Variants in PXN observed in about 807,000 individuals in gnomAD.
PXN encodes the protein paxillin, also known as testicular tissue protein Li 134.
PXN carries 61 observed loss-of-function variants against 103.6 expected under a neutral mutation model. The observed-to-expected ratio is 0.59, with a 90% CI of 0.48 to 0.73. The LOEUF is 0.73. Among genes scored for constraint, PXN ranks in the 30% least tolerant of loss-of-function variants. The pLI is 0.00. For synonymous variants in PXN, 562 were observed against 607.8 expected (o/e 0.92, Z 1.11); for missense variants, 1,274 against 1,460.3 (o/e 0.87, Z 2.08).
rs996902113 is a variant in PXN, at chr12:120,228,858, C to T, written c.14-4481G>A. On this transcript the variant is annotated intron_variant, in intron 1 of 14. Coordinates refer to ENST00000637617, the MANE Select transcript of PXN (RefSeq NM_001385981.1). This position sits in a 1 kb window ranked among gnomAD's most constrained non-coding sequence, Gnocchi z 4.7. Reference sequence around the variant, plus strand: ...TGGTCGGAGCAACAGCATGGAACAGCTGCAGCTTTGGGTCGGGAGGCCGCC... The same window carrying T: ...TGGTCGGAGCAACAGCATGGAACAGTTGCAGCTTTGGGTCGGGAGGCCGCC... Among the ~76,000 whole-genome samples the T allele has an allele frequency of 1.3e-5, 2 of 152,226 alleles. No homozygotes were observed. The highest frequency in any genetic ancestry group is 1.3e-4 in the Admixed American group (2 of 15,284).
rs1884648273 is a variant in PXN, at chr12:120,220,092, C to T, written c.832-1G>A. The T allele has an allele frequency of 1.8e-6, 2 of 1,142,142 alleles. No individual in the cohort carries two copies. The highest frequency in any genetic ancestry group is 3.1e-5 in the African/African-American group (2 of 64,294). The allele number at this position is 1,142,142 out of a possible 1,614,324, so 70.8% of individuals were successfully genotyped here. ...TCAGAGCCACAGTGGAGGAGCTGGT[C>T]TGGAGAAGAGAGAAATGCAGAGGGG... On this transcript the variant is annotated splice_acceptor_variant, in intron 6 of 14. Coordinates refer to ENST00000637617, the MANE Select transcript of PXN (RefSeq NM_001385981.1). LOFTEE classifies it high-confidence loss of function. This position sits in a 1 kb window ranked among gnomAD's most constrained non-coding sequence, Gnocchi z 6.1.
Position 120,216,645 on chromosome 12 carries a change from C to T in PXN, c.1993-64G>A, listed in dbSNP as rs1197695473. The T allele has an allele frequency of 1.5e-5, 24 of 1,549,144 alleles. No homozygotes were observed. In the East Asian group the frequency reaches 4.5e-4, roughly 29 times the overall value. On this transcript the variant is annotated intron_variant, in intron 8 of 14. Coordinates refer to ENST00000637617, the MANE Select transcript of PXN (RefSeq NM_001385981.1). The surrounding 1 kb of genome is among the most constrained non-coding windows in gnomAD (Gnocchi z 5.1). ...TCGCCAGCTCAGCCCACAGGGGTGG[C>T]GGGACCTCCCCAGGCTCCCCCTGGG... is the stretch of plus-strand genomic sequence containing the variant.
At position 120,223,805 on chromosome 12, in the gene PXN, G is replaced by T; in HGVS notation, c.269C>A (p.Ser90Tyr). 6.2e-7 allele frequency: 1 copy of T among 1,609,218 alleles called. No individual in the cohort carries two copies. The highest frequency in any genetic ancestry group is 1.1e-5 in the South Asian group (1 of 89,926). ...GGAGACACTGGAAGTTTTGGCACTG[G>T]AGCCGTACACAGGTGATGAGGACTG... Reference protein sequence around the residue: ...QPQSSSPVYGSSAKTSSVSNP... With the variant: ...QPQSSSPVYGYSAKTSSVSNP... Residue 90 changes from serine (S) to tyrosine (Y), a missense_variant, in exon 3 of 15, where the codon TCC (serine) becomes TAC (tyrosine). Ser to Tyr is a moderately radical substitution (Grantham distance 144, BLOSUM62 -2). This residue lies in a region of PXN where 1,178 missense variants were observed against 1,309.0 expected (regional missense o/e 0.90). Coordinates refer to ENST00000637617, the MANE Select transcript of PXN (RefSeq NM_001385981.1).
rs1566367957 is a variant in PXN, at chr12:120,217,541, C to G, written c.1717-425G>C. Among the ~76,000 whole-genome samples, 1 of 151,804 alleles carries G rather than the reference C, an allele frequency of 6.6e-6. No individual in the cohort carries two copies. Among genetic ancestry groups the G allele is most frequent in the East Asian group, 1.9e-4 (1 of 5,178 alleles). On this transcript the variant is annotated intron_variant, in intron 7 of 14. Coordinates refer to ENST00000637617, the MANE Select transcript of PXN (RefSeq NM_001385981.1). This position sits in a 1 kb window ranked among gnomAD's most constrained non-coding sequence, Gnocchi z 4.1. ...CAAGGCATACGGCTTTTTCTTTTTT[C>G]TTTTTTTTAATTTATAATAGAAAAA...
Position 120,211,884 on chromosome 12 carries a change from A to C in PXN, c.*430T>G, listed in dbSNP as rs1444487199. 2 of 516,312 alleles carry C rather than the reference A, an allele frequency of 3.9e-6. No homozygotes were observed. The highest frequency in any genetic ancestry group is 3.9e-5 in the Admixed American group (2 of 50,734). 32.0% of individuals were successfully genotyped at this position (516,312 alleles called of 1,614,324 possible). A position where few individuals can be genotyped will look rare whatever the true frequency, so the allele number is the denominator to read the frequency against. ...GGGTGTCCCCCAATAATCACAGAAC[A>C]AAGACAATTAGGTCGGGGGAGGAAT... On this transcript the variant is annotated 3_prime_UTR_variant, in exon 15 of 15. Transcript: ENST00000637617.
Position 120,221,635 on chromosome 12 carries a change from C to G in PXN, c.819G>C (p.Leu273=). The G allele has an allele frequency of 5.8e-6, 9 of 1,561,980 alleles. No homozygotes were observed. The highest frequency in any genetic ancestry group is 7.8e-6 in the Non-Finnish European group (9 of 1,153,194). Reference sequence around the variant, plus strand: ...GTTCACAGGGCACCTTGAAATCCGACAGCGAAGCCATCAGCTCGTCCAGCT... The same window carrying G: ...GTTCACAGGGCACCTTGAAATCCGAGAGCGAAGCCATCAGCTCGTCCAGCT... The part of the protein sequence containing the change: ...TRELDELMAS[L]SDFKTSSSTV... Residue 273 remains leucine (L), a synonymous_variant, in exon 6 of 15, where the codon CTG becomes CTC. Transcript: ENST00000637617. This position sits in a 1 kb window ranked among gnomAD's most constrained non-coding sequence, Gnocchi z 6.6.
At chr12:120,223,113 C>A (rs752307943) in intron 3 of PXN, 114 bp from the exon 4 acceptor site, 3 of 1,537,420 alleles carry the variant, frequency 2.0e-6, no homozygotes, top group East Asian at 2.3e-5. Context: ...AGTCTTCCCC[C>A]GCAAGAGGAC....
intron 1 of PXN, among the ~76,000 whole-genome samples, chr12:120,239,225 T>C (rs898173775): frequency 2.0e-5 from 3 of 152,124 alleles, no homozygotes; most frequent in African/African-American, 7.2e-5. Flanking sequence ...GGCCAACGGA[T>C]CACCTGAGGT....
In PXN at chr12:120,220,310, A is replaced by T. The variant is rs1429280898; in HGVS notation, c.832-219T>A. Among the ~76,000 whole-genome samples the T allele has an allele frequency of 6.6e-6, 1 of 152,102 alleles. No individual in the cohort carries two copies. Among genetic ancestry groups the T allele is most frequent in the Non-Finnish European group, 1.5e-5 (1 of 68,004 alleles). ...CAAACCCAAGCAAGAGAAAGCAGCC[A>T]CCAAGCCGTGCCTGTGGAGCCACCC... On this transcript the variant is annotated intron_variant, in intron 6 of 14. Transcript: ENST00000637617. This position sits in a 1 kb window ranked among gnomAD's most constrained non-coding sequence, Gnocchi z 6.1.
chr12:120,260,957 G>A (rs746760121), intron 1 of PXN, among the ~76,000 whole-genome samples: 5 of 152,258 alleles, frequency 3.3e-5, no homozygotes, highest in Non-Finnish European at 5.9e-5. Context: ...TGCAAGTCCC[G>A]CTCAGCAGCC....
intron 1 of PXN, among the ~76,000 whole-genome samples, chr12:120,235,370 A>ACC: frequency 1.3e-5 from 2 of 152,206 alleles, no homozygotes; most frequent in Middle Eastern, 6.8e-3. Flanking sequence ...CTGAGCATCT[A>ACC]CCAGGAGCCC....
chr12:120,234,088 G>A (rs1357310032), intron 1 of PXN, among the ~76,000 whole-genome samples: 4 of 128,840 alleles, frequency 3.1e-5, no homozygotes, highest in Non-Finnish European at 7.2e-5. Context: ...AAATGCAAGT[G>A]AAATCGTAAG....
rs1184215360 is a variant in PXN, at chr12:120,212,747, A to G, written c.2980-167T>C. 7 of 726,748 alleles carry G rather than the reference A, an allele frequency of 9.6e-6. No homozygotes were observed. The highest frequency in any genetic ancestry group is 1.0e-5 in the Non-Finnish European group (5 of 485,468). The allele number at this position is 726,748 out of a possible 1,614,324, so 45.0% of individuals were successfully genotyped here. ...AACGCTCATTTTTCATTTTTATTTT[A>G]TTAAATAAATTTTTTTTGTAGAGAT... is the stretch of plus-strand genomic sequence containing the variant. On this transcript the variant is annotated intron_variant, in intron 14 of 14. Coordinates refer to ENST00000637617, the MANE Select transcript of PXN (RefSeq NM_001385981.1). This position sits in a 1 kb window ranked among gnomAD's most constrained non-coding sequence, Gnocchi z 7.2.
chr12:120,251,177 C>G (rs1892107897), intron 1 of PXN, among the ~76,000 whole-genome samples: 1 of 151,178 alleles, frequency 6.6e-6, no homozygotes, highest in African/African-American at 2.4e-5. Flanking sequence ...TGCACTCCAG[C>G]CTGGGCAACG....
At position 120,220,899 on chromosome 12, in the gene PXN, G is replaced by A. The variant is rs890348813; in HGVS notation, c.831+724C>T. Among the ~76,000 whole-genome samples the A allele has an allele frequency of 3.3e-5, 5 of 152,194 alleles. No individual in the cohort carries two copies. Among genetic ancestry groups the A allele is most frequent in the Admixed American group, 6.5e-5 (1 of 15,276 alleles). The stretch of plus-strand genomic sequence containing the variant: ...CCCCAAAGGTCTCCAGCTGACCCAC[G>A]TGGAAGTATGAAGTCAGCAGCTGCT... On this transcript the variant is annotated intron_variant, in intron 6 of 14. Coordinates refer to ENST00000637617, the MANE Select transcript of PXN (RefSeq NM_001385981.1). This position sits in a 1 kb window ranked among gnomAD's most constrained non-coding sequence, Gnocchi z 6.1.
At chr12:120,248,492 TCACACACACACACACACACACACACA>T (rs3221954) in intron 1 of PXN, among the ~76,000 whole-genome samples, 2 of 127,842 alleles carry the variant, frequency 1.6e-5, no homozygotes, top group Admixed American at 7.8e-5. Context: ...CAGATGACTT[TCACACACACACACACACACACACACA>T]CACACACACA....
intron 1 of PXN, chr12:120,226,367 A>G: frequency 1.6e-6 from 2 of 1,289,246 alleles, no homozygotes; most frequent in Non-Finnish European, 2.0e-6. Context: ...GTTACCTGCC[A>G]TCCTCACAAC....
At position 120,216,749 on chromosome 12, in the gene PXN, C is replaced by T. The variant is rs755586877; in HGVS notation, c.1992+92G>A. ...AGAAACCCCCACCCTCTCCCCAGAT[C>T]TCCCCTCCGGCCAGCACTGGGGCCA... is the stretch of plus-strand genomic sequence containing the variant. On this transcript the variant is annotated intron_variant, in intron 8 of 14. Coordinates refer to ENST00000637617, the MANE Select transcript of PXN (RefSeq NM_001385981.1). The surrounding 1 kb of genome is among the most constrained non-coding windows in gnomAD (Gnocchi z 5.1). 5.6e-6 allele frequency: 9 copies of T among 1,594,782 alleles called. No individual in the cohort carries two copies. The highest frequency in any genetic ancestry group is 1.1e-5 in the South Asian group (1 of 90,582).
intron 1 of PXN, among the ~76,000 whole-genome samples, chr12:120,247,292 T>G (rs761751126): frequency 1.4e-4 from 21 of 152,306 alleles, no homozygotes; most frequent in Non-Finnish European, 2.9e-4. Context: ...TGGAGAAAGA[T>G]ATACCATGCA....
Sources: gnomAD v4.1 joint callset for allele counts (sites outside exome capture counted in the v4.1 genomes callset) on GRCh38, gnomAD v4.1.1 for gene constraint, gnomAD v4.1.1 regional missense constraint, Gnocchi (gnomAD v3.1) non-coding constraint, MANE v1.5 for transcripts, NCBI Gene and HGNC (gene_info 2026-07-23, HGNC 2026-07-21) for gene names.